Variants in COL4A4 observed in about 807,000 individuals in gnomAD.
COL4A4 encodes collagen type IV alpha 4 chain.
COL4A4 carries 105 observed loss-of-function variants against 192.9 expected under a neutral mutation model. That is an observed-to-expected ratio of 0.54 (90% CI 0.46 to 0.64). COL4A4 has a LOEUF of 0.64. Among genes scored for constraint, COL4A4 ranks in the 30% least tolerant of loss-of-function variants. The probability of loss-of-function intolerance (pLI) is 0.00; values close to 1 mark genes in which losing one functional copy is unlikely to be tolerated. For missense variants in COL4A4, 1,967 were observed against 2,169.3 expected (o/e 0.91, Z 1.85); for synonymous variants, 762 against 769.9 (o/e 0.99, Z 0.17).
intron 37 of COL4A4, among the ~76,000 whole-genome samples, chr2:227,035,073 G>A: frequency 6.6e-6 from 1 of 151,930 alleles, no homozygotes; most frequent in African/African-American, 2.4e-5. Context: ...GGACCCCCTT[G>A]ATTGTTGATG....
intron 4 of COL4A4, among the ~76,000 whole-genome samples, chr2:227,126,460 G>A (rs1406058584): frequency 6.6e-6 from 1 of 152,222 alleles, no homozygotes; most frequent in African/African-American, 2.4e-5. Context: ...TAACAGAGAT[G>A]TTGGTGTTTT....
chr2:227,096,694 C>G (rs1329962287), intron 19 of COL4A4, among the ~76,000 whole-genome samples: 1 of 152,084 alleles, frequency 6.6e-6, no homozygotes, highest in African/African-American at 2.4e-5. Flanking sequence ...AACTGATGTA[C>G]AGAGAGGTTT....
chr2:227,099,787 A>C (rs1278584631), intron 17 of COL4A4, 98 bp from the exon 18 acceptor site: 1 of 1,035,602 alleles, frequency 9.7e-7, no homozygotes, highest in Non-Finnish European at 1.5e-6. Flanking sequence ...GCACATTCAT[A>C]TAAGAAGCAG....
chr2:226,979,147 G>A, the COL4A4 span, among the ~76,000 whole-genome samples: 5 of 152,160 alleles, frequency 3.3e-5, no homozygotes, highest in East Asian at 1.9e-4. Flanking sequence ...GCAGCCGTCA[G>A]TCTGAGGCCC....
chr2:227,111,958 A>AT (rs1214284277), intron 8 of COL4A4, among the ~76,000 whole-genome samples: 11 of 152,138 alleles, frequency 7.2e-5, no homozygotes, highest in African/African-American at 1.9e-4. Flanking sequence ...TCAAAATGAG[A>AT]TTTTTTCTTT....
In COL4A4 at chr2:227,022,496, T is replaced by C. The variant is rs774221440; in HGVS notation, c.4091-323A>G. On this transcript the variant is annotated intron_variant, in intron 43 of 47. Coordinates refer to ENST00000396625, the MANE Select transcript of COL4A4 (RefSeq NM_000092.5). ...CAGCAACGTGATGACCCTCACAGGA[T>C]TGCCCAATCTCTGGGCCATTTTTTA... 1.0e-5 allele frequency: 6 copies of C among 573,438 alleles called. No homozygotes were observed. Among genetic ancestry groups the C allele is most frequent in the East Asian group, 4.7e-5 (1 of 21,492 alleles). The allele number at this position is 573,438 out of a possible 1,614,324, so 35.5% of individuals were successfully genotyped here. A position where few individuals can be genotyped will look rare whatever the true frequency, so the allele number is the denominator to read the frequency against.
chr2:227,120,914 G>T, intron 5 of COL4A4, 100 bp downstream of exon 5: 1 of 1,488,070 alleles, frequency 6.7e-7, no homozygotes, highest in Non-Finnish European at 9.3e-7. Context: ...ATTCTAGCCT[G>T]AGTGACAGAG....
Position 227,013,075 on chromosome 2 carries a change from G to A in COL4A4, c.4217-778C>T, listed in dbSNP as rs187309234. ...ACCTGGGGGACTTGGCAGCAATTGCGTTAATCCTTAAGGGGTTCTTTAAGT... is the reference window on the plus strand; with the variant it reads ...ACCTGGGGGACTTGGCAGCAATTGCATTAATCCTTAAGGGGTTCTTTAAGT... On this transcript the variant is annotated intron_variant, in intron 44 of 47. Transcript: ENST00000396625. Among the ~76,000 whole-genome samples the A allele has an allele frequency of 2.6e-3, 389 of 152,286 alleles. 1 individual carries two copies. Among genetic ancestry groups the A allele is most frequent in the Non-Finnish European group, 3.1e-3 (214 of 68,010 alleles).
At chr2:227,142,303 C>G (rs1160525246) in intron 3 of COL4A4, among the ~76,000 whole-genome samples, 1 of 152,036 alleles carries the variant, frequency 6.6e-6, no homozygotes, top group East Asian at 1.9e-4. Context: ...AAGATAAACA[C>G]AATATTTCAG....
At chr2:227,128,753 C>T (rs995637946) in intron 4 of COL4A4, among the ~76,000 whole-genome samples, 5 of 152,288 alleles carry the variant, frequency 3.3e-5, no homozygotes, top group African/African-American at 1.2e-4. Context: ...TCAACTCTCG[C>T]ACGGGTTCCA....
rs190570269 is a variant in COL4A4, at chr2:227,121,157, G to C, written c.193-9C>G. ...GGTGGTCCTGGTGGACCCTGAGAAG[G>C]AAGATTAAAAAGAAATGGGGGTGCA... On this transcript the variant is annotated splice_polypyrimidine_tract_variant and intron_variant, in intron 4 of 47. Coordinates refer to ENST00000396625, the MANE Select transcript of COL4A4 (RefSeq NM_000092.5). 140 of 1,613,826 alleles carry C rather than the reference G, an allele frequency of 8.7e-5. No individual in the cohort carries two copies. In the East Asian group the frequency reaches 2.7e-3, roughly 31 times the overall value.
At chr2:227,146,775 C>T (rs887591635) in intron 2 of COL4A4, among the ~76,000 whole-genome samples, 13 of 152,228 alleles carry the variant, frequency 8.5e-5, no homozygotes, top group Admixed American at 5.9e-4. Context: ...CAGCAGTGGC[C>T]AGTTGCGTCT....
At chr2:227,095,527 G>A (rs980876677) in intron 19 of COL4A4, among the ~76,000 whole-genome samples, 2 of 152,160 alleles carry the variant, frequency 1.3e-5, no homozygotes, top group South Asian at 4.1e-4. Flanking sequence ...AGGTCAAAAC[G>A]AATAATGCAA....
At chr2:227,099,073 T>G (rs1446375071) in intron 18 of COL4A4, among the ~76,000 whole-genome samples, 1 of 152,120 alleles carries the variant, frequency 6.6e-6, no homozygotes, top group Non-Finnish European at 1.5e-5. Flanking sequence ...GTTCTGTTTT[T>G]GTTTTTGTTT....
At chr2:227,065,238 C>T (rs1287257362) in intron 25 of COL4A4, among the ~76,000 whole-genome samples, 3 of 151,876 alleles carry the variant, frequency 2.0e-5, no homozygotes, top group Non-Finnish European at 4.4e-5. Flanking sequence ...GAGGGTCCTA[C>T]GCCAGGCTGA....
intron 19 of COL4A4, among the ~76,000 whole-genome samples, chr2:227,094,545 G>T (rs147260994): frequency 9.8e-5 from 15 of 152,300 alleles, no homozygotes; most frequent in African/African-American, 3.4e-4. Context: ...GGGGCTGGGG[G>T]AAGAGAGGAA....
chr2:226,968,852 A>G, the COL4A4 span: 8 of 152,312 alleles, frequency 5.3e-5, no homozygotes, highest in South Asian at 1.7e-3. Flanking sequence ...TCAGCTCTCA[A>G]TTTCCTCATC....
chr2:227,070,160 C>T (rs2058623467), intron 25 of COL4A4, among the ~76,000 whole-genome samples: 1 of 152,082 alleles, frequency 6.6e-6, no homozygotes, highest in African/African-American at 2.4e-5. Flanking sequence ...AAATCAAAAC[C>T]ACAATGAGAT....
At chr2:226,992,719 A>T in the COL4A4 span, among the ~76,000 whole-genome samples, 2 of 152,232 alleles carry the variant, frequency 1.3e-5, no homozygotes, top group East Asian at 3.8e-4. Context: ...TCCATGAAGA[A>T]AAGGGACACT....
Sources: gnomAD v4.1 joint callset for allele counts (sites outside exome capture counted in the v4.1 genomes callset) on GRCh38, gnomAD v4.1.1 for gene constraint, MANE v1.5 for transcripts, NCBI Gene and HGNC (gene_info 2026-07-23, HGNC 2026-07-21) for gene names.